RAB10: variants seen among roughly 807,000 people sequenced by gnomAD.
RAB10 encodes RAB10, member RAS oncogene family.
In RAB10, 5 loss-of-function variants were observed where a neutral mutation model predicts 25.7. The observed-to-expected ratio is 0.19, with a 90% confidence interval of 0.10 to 0.41. The LOEUF (loss-of-function observed/expected upper bound fraction) is 0.41. Among genes scored for constraint, RAB10 ranks in the 10% least tolerant of loss-of-function variants. The pLI is 1.00. For missense variants in RAB10, 103 were observed against 245.8 expected (o/e 0.42, Z 3.89); for synonymous variants, 89 against 86.4 (o/e 1.03, Z -0.16).
chr2:26,066,742 C>T (rs1666520009), intron 1 of RAB10, among the ~76,000 whole-genome samples: 1 of 150,402 alleles, frequency 6.6e-6, no homozygotes, highest in African/African-American at 2.5e-5. Flanking sequence ...TTCAAGATGA[C>T]ATTTGGGTGG....
At chr2:26,036,850 C>T (rs1029036961) in intron 1 of RAB10, among the ~76,000 whole-genome samples, 5 of 151,746 alleles carry the variant, frequency 3.3e-5, no homozygotes, top group African/African-American at 4.8e-5. Flanking sequence ...AGTGCAGTGG[C>T]GTGATCTCGG....
chr2:26,101,761 TAA>T (rs1176584598), intron 2 of RAB10: 1 of 152,240 alleles, frequency 6.6e-6, no homozygotes, highest in Non-Finnish European at 1.5e-5. Context: ...TTGGAATACC[TAA>T]CACACAGACT....
intron 1 of RAB10, among the ~76,000 whole-genome samples, chr2:26,045,385 G>A (rs36099818): frequency 0.14 from 21,942 of 151,642 alleles, 1,938 homozygotes; most frequent in Middle Eastern, 0.25. Context: ...GACTACAGGC[G>A]CCCGCCACCA....
chr2:26,071,611 C>CT (rs1491551149), intron 1 of RAB10, among the ~76,000 whole-genome samples: 2 of 152,022 alleles, frequency 1.3e-5, no homozygotes, highest in East Asian at 3.9e-4. Flanking sequence ...TTGCTTGAAC[C>CT]TGGGAGGCAG....
chr2:26,134,858 T>G, intron 5 of RAB10, 80 bp from the exon 6 acceptor site: 1 of 1,118,714 alleles, frequency 8.9e-7, no homozygotes, highest in South Asian at 1.5e-5. Flanking sequence ...TAAATTGACA[T>G]AAGAATATTC....
intron 1 of RAB10, among the ~76,000 whole-genome samples, chr2:26,045,879 A>G (rs1260440707): frequency 6.6e-6 from 1 of 151,274 alleles, no homozygotes; most frequent in African/African-American, 2.5e-5. Context: ...TATATAAAAA[A>G]AGAGTTTAAA....
upstream of RAB10, among the ~76,000 whole-genome samples, chr2:26,033,407 G>T (rs956504712): frequency 6.6e-6 from 1 of 152,240 alleles, no homozygotes; most frequent in Non-Finnish European, 1.5e-5. Context: ...CCAGGAAGAG[G>T]TTGTGAGGAT....
In RAB10 at chr2:26,078,353, T is replaced by A. The variant is rs570418586; in HGVS notation, c.128-20309T>A. 4.3e-4 allele frequency among the ~76,000 whole-genome samples: 65 copies of A among 152,304 alleles called. 2 individuals carry two copies. The South Asian group carries it at 0.013, about 30-fold the overall frequency. On this transcript the variant is annotated intron_variant, in intron 1 of 5. Coordinates refer to ENST00000264710, the MANE Select transcript of RAB10 (RefSeq NM_016131.5). ...TCATATGGAAATACAGAGGACCCTG[T>A]ATAATGAAAACAGTCTTGAAAAAGA...
chr2:26,064,659 T>C (rs1396519579), intron 1 of RAB10, among the ~76,000 whole-genome samples: 7 of 152,288 alleles, frequency 4.6e-5, no homozygotes, highest in Non-Finnish European at 1.0e-4. Context: ...AAAATAGTTT[T>C]TAAATAAGTA....
chr2:26,107,200 C>T (rs1049762893), intron 2 of RAB10, among the ~76,000 whole-genome samples: 5 of 141,692 alleles, frequency 3.5e-5, no homozygotes, highest in Admixed American at 2.2e-4. Flanking sequence ...GAGCCAAGAT[C>T]GTGCCACTAC....
intron 1 of RAB10, among the ~76,000 whole-genome samples, chr2:26,043,529 G>A (rs1473478943): frequency 6.6e-6 from 1 of 152,228 alleles, no homozygotes; most frequent in Non-Finnish European, 1.5e-5. Flanking sequence ...ATGTTCATCA[G>A]TGGATAAATG....
intron 1 of RAB10, among the ~76,000 whole-genome samples, chr2:26,063,498 A>G (rs1436771707): frequency 6.6e-6 from 1 of 152,058 alleles, no homozygotes; most frequent in East Asian, 1.9e-4. Context: ...CTTCATCTCT[A>G]AATACTTTAG....
chr2:26,099,733 G>A (rs996851178), intron 2 of RAB10, among the ~76,000 whole-genome samples: 1 of 151,588 alleles, frequency 6.6e-6, no homozygotes, highest in African/African-American at 2.4e-5. Flanking sequence ...TAGTAGAGAC[G>A]GGATTTCACT....
chr2:26,072,071 A>ATT (rs1666638874), intron 1 of RAB10, among the ~76,000 whole-genome samples: 1 of 59,186 alleles, frequency 1.7e-5, no homozygotes, highest in South Asian at 5.7e-4. Context: ...CTGTTATAAA[A>ATT]TTGCGCAGAT....
At chr2:26,083,498 C>CT (rs1666914030) in intron 1 of RAB10, among the ~76,000 whole-genome samples, 1 of 144,164 alleles carries the variant, frequency 6.9e-6, no homozygotes, top group Non-Finnish European at 1.5e-5. Context: ...TTGTCTCACT[C>CT]TGTCACCCAG....
At position 26,070,659 on chromosome 2, in the gene RAB10, G is replaced by A. The variant is rs141282429; in HGVS notation, c.128-28003G>A. ...ATCAGAGCCAAATCTTAAACATAGCGATGGAAAGCTTTGTAATTATAGAAA... is the reference window on the plus strand; with the variant it reads ...ATCAGAGCCAAATCTTAAACATAGCAATGGAAAGCTTTGTAATTATAGAAA... On this transcript the variant is annotated intron_variant, in intron 1 of 5. Transcript: ENST00000264710. Among the ~76,000 whole-genome samples the A allele has an allele frequency of 3.8e-3, 585 of 152,248 alleles. 3 individuals carry two copies. The highest frequency in any genetic ancestry group is 0.013 in the South Asian group (61 of 4,826).
chr2:26,086,686 A>G (rs1355743082), intron 1 of RAB10, among the ~76,000 whole-genome samples: 2 of 152,270 alleles, frequency 1.3e-5, no homozygotes. Flanking sequence ...GGTGGAATTT[A>G]ACAGCTCTAT....
chr2:26,126,378 G>A (rs984058976), intron 3 of RAB10, among the ~76,000 whole-genome samples: 2 of 152,172 alleles, frequency 1.3e-5, no homozygotes, highest in East Asian at 1.9e-4. Context: ...AGGAGTTCGC[G>A]ATCAGCCTGG....
In RAB10 at chr2:26,034,592, C is replaced by T. The variant is rs909527265; in HGVS notation, c.-17C>T. ...CCTTGGGGCCGCCGGCGGCGAGAGCCCGAGCCGCTCCTCCCAATGGCGAAG... is the reference window on the plus strand; with the variant it reads ...CCTTGGGGCCGCCGGCGGCGAGAGCTCGAGCCGCTCCTCCCAATGGCGAAG... On this transcript the variant is annotated 5_prime_UTR_variant, in exon 1 of 6. Coordinates refer to ENST00000264710, the MANE Select transcript of RAB10 (RefSeq NM_016131.5). 1.9e-6 allele frequency: 3 copies of T among 1,612,574 alleles called. No individual in the cohort carries two copies. Among genetic ancestry groups the T allele is most frequent in the African/African-American group, 1.3e-5 (1 of 74,898 alleles).
Sources: allele counts gnomAD v4.1 joint callset (sites outside exome capture counted in the v4.1 genomes callset), GRCh38; gene constraint gnomAD v4.1.1; transcripts MANE v1.5; gene names NCBI Gene and HGNC (gene_info 2026-07-23, HGNC 2026-07-21).